The following SASH1 variants were observed in gnomAD, a reference collection of about 807,000 sequenced individuals.
SASH1 encodes SAM and SH3 domain-containing protein 1.
SASH1 carries 44 observed loss-of-function variants against 125.2 expected under a neutral mutation model. The ratio of observed to expected loss-of-function variants is 0.35; its 90% CI spans 0.28 to 0.45. The LOEUF (loss-of-function observed/expected upper bound fraction) is 0.45, where lower values mean the gene tolerates loss of function less well. Ranked by LOEUF, SASH1 falls within the 20% of genes least tolerant of loss-of-function variation. The pLI is 1.00. For synonymous variants in SASH1, 639 were observed against 649.1 expected, an observed-to-expected ratio of 0.98 and a Z score of 0.24; for missense variants, 1,426 against 1,614.5, an observed-to-expected ratio of 0.88 and a Z score of 2.00.
At position 148,550,711 on chromosome 6, in the gene SASH1, A is replaced by C. The variant is rs377650134; in HGVS notation, c.*2153A>C. On this transcript the variant is annotated 3_prime_UTR_variant, in exon 20 of 20. Transcript: ENST00000367467. ...GGGTTCTTGTATAGCTAAAGCGTTC[A>C]ATGCATTTCACGTGCTGTGGTGGAT... 1 of 152,274 alleles carries C rather than the reference A, an allele frequency of 6.6e-6. No individual in the cohort carries two copies. Among genetic ancestry groups the C allele is most frequent in the Non-Finnish European group, 1.5e-5 (1 of 68,038 alleles). 9.4% of individuals were successfully genotyped at this position (152,274 alleles called of 1,614,324 possible). A position where few individuals can be genotyped will look rare whatever the true frequency, so the allele number is the denominator to read the frequency against.
chr6:148,260,462 G>T, the SASH1 span, among the ~76,000 whole-genome samples: 2 of 151,880 alleles, frequency 1.3e-5, no homozygotes, highest in Non-Finnish European at 2.9e-5. Flanking sequence ...CAAAAAGTTA[G>T]CCAGGTATGG....
intron 2 of SASH1, among the ~76,000 whole-genome samples, chr6:148,412,691 G>A (rs187112518): frequency 4.7e-4 from 71 of 152,264 alleles, no homozygotes; most frequent in African/African-American, 1.7e-3. Context: ...TTACCATGGG[G>A]AGGGCAGCAA....
the SASH1 span, among the ~76,000 whole-genome samples, chr6:148,242,813 C>T: frequency 6.6e-6 from 1 of 152,120 alleles, no homozygotes; most frequent in African/African-American, 2.4e-5. Context: ...TTCTTTTTCT[C>T]TATGAACTAG....
At chr6:148,422,709 G>T (rs922309902) in intron 2 of SASH1, among the ~76,000 whole-genome samples, 1 of 152,020 alleles carries the variant, frequency 6.6e-6, no homozygotes, top group African/African-American at 2.4e-5. Flanking sequence ...TGCTCAGAAG[G>T]GAGGAAAATC....
At chr6:148,244,412 C>T in the SASH1 span, among the ~76,000 whole-genome samples, 1 of 152,194 alleles carries the variant, frequency 6.6e-6, no homozygotes, top group East Asian at 1.9e-4. Flanking sequence ...AAGACAACCA[C>T]ATCAGAATAC....
chr6:148,365,956 C>T (rs1204091794), intron 1 of SASH1, among the ~76,000 whole-genome samples: 1 of 151,910 alleles, frequency 6.6e-6, no homozygotes, highest in East Asian at 1.9e-4. Flanking sequence ...CTACTAAAAA[C>T]ACAAAAATTA....
chr6:148,345,641 G>A (rs978111077), intron 1 of SASH1, among the ~76,000 whole-genome samples: 3 of 152,092 alleles, frequency 2.0e-5, no homozygotes, highest in African/African-American at 7.2e-5. Flanking sequence ...CTGAGTCTTC[G>A]GGGAAATACA....
At chr6:148,345,894 A>G (rs1781506307) in intron 1 of SASH1, among the ~76,000 whole-genome samples, 1 of 152,158 alleles carries the variant, frequency 6.6e-6, no homozygotes, top group Non-Finnish European at 1.5e-5. Flanking sequence ...ATTCAGTAGA[A>G]ATGTAGTTCA....
chr6:148,531,883 G>T (rs967148043), intron 13 of SASH1, among the ~76,000 whole-genome samples: 1 of 151,870 alleles, frequency 6.6e-6, no homozygotes, highest in South Asian at 2.1e-4. Flanking sequence ...AATTTTGATC[G>T]GAGACAATAG....
intron 1 of SASH1, among the ~76,000 whole-genome samples, chr6:148,374,922 C>T (rs961307640): frequency 2.0e-5 from 3 of 152,250 alleles, no homozygotes; most frequent in Admixed American, 6.5e-5. Context: ...GCCTCGAACA[C>T]GTGGCCTCAA....
chr6:148,337,446 G>C (rs1296658863), intron 1 of SASH1, among the ~76,000 whole-genome samples: 1 of 151,984 alleles, frequency 6.6e-6, no homozygotes, highest in Non-Finnish European at 1.5e-5. Flanking sequence ...GGATGGTCTC[G>C]ATCTCCTGAC....
At chr6:148,465,566 A>G (rs911879327) in intron 4 of SASH1, among the ~76,000 whole-genome samples, 1 of 148,490 alleles carries the variant, frequency 6.7e-6, no homozygotes, top group South Asian at 2.1e-4. Context: ...AAAAAAAAAA[A>G]GACATCCCTA....
intron 2 of SASH1, among the ~76,000 whole-genome samples, chr6:148,400,338 C>T (rs1413493541): frequency 1.3e-5 from 2 of 152,196 alleles, no homozygotes. Context: ...GGGCCCTGAG[C>T]CTATGCTGGT....
At chr6:148,483,417 A>G (rs534279885) in intron 7 of SASH1, among the ~76,000 whole-genome samples, 6 of 152,186 alleles carry the variant, frequency 3.9e-5, no homozygotes, top group Admixed American at 6.5e-5. Flanking sequence ...TTGGAATTCA[A>G]TTTCAGTATA....
At chr6:148,540,328 T>C (rs1228633114) in intron 16 of SASH1, 115 bp from the exon 17 acceptor site, 12 of 719,114 alleles carry the variant, frequency 1.7e-5, no homozygotes, top group Middle Eastern at 3.2e-4. Flanking sequence ...TTAAGATAAA[T>C]TGTTCTCTTC....
upstream of SASH1, among the ~76,000 whole-genome samples, chr6:148,270,656 A>G (rs1228435702): frequency 1.3e-5 from 2 of 151,670 alleles, no homozygotes; most frequent in Non-Finnish European, 2.9e-5. Context: ...ATGTCAAACT[A>G]GTGGCAGTTA....
intron 1 of SASH1, among the ~76,000 whole-genome samples, chr6:148,297,227 T>C (rs1582929999): frequency 6.6e-6 from 1 of 152,158 alleles, no homozygotes; most frequent in Non-Finnish European, 1.5e-5. Flanking sequence ...AGAGACCCTG[T>C]GGAGAGGGTC....
At chr6:148,409,232 C>A (rs1784500747) in intron 2 of SASH1, among the ~76,000 whole-genome samples, 1 of 152,196 alleles carries the variant, frequency 6.6e-6, no homozygotes. Context: ...GTCCTTCAGA[C>A]CATATGCCAT....
chr6:148,371,533 G>T (rs1010167569), intron 1 of SASH1, among the ~76,000 whole-genome samples: 5 of 151,958 alleles, frequency 3.3e-5, no homozygotes. Flanking sequence ...TTCCCAAAGT[G>T]TTGGGATTAC....
Sources: gnomAD v4.1 joint callset for allele counts (sites outside exome capture counted in the v4.1 genomes callset) on GRCh38, gnomAD v4.1.1 for gene constraint, MANE v1.5 for transcripts, NCBI Gene and HGNC (gene_info 2026-07-23, HGNC 2026-07-21) for gene names.